The following GRIA2 variants were observed in gnomAD, a reference collection of about 807,000 sequenced individuals.
GRIA2 encodes the protein glutamate ionotropic receptor AMPA type subunit 2.
GRIA2 carries 14 observed loss-of-function variants against 97.3 expected under a neutral mutation model. That is an observed-to-expected ratio of 0.14 (90% CI 0.10 to 0.23). The LOEUF is 0.23. Among genes scored for constraint, GRIA2 ranks in the 10% least tolerant of loss-of-function variants. The pLI, the probability that GRIA2 is intolerant of heterozygous loss-of-function variation, is 1.00. For synonymous variants in GRIA2, 412 were observed against 387.8 expected (o/e 1.06, Z -0.73); for missense variants, 558 against 1,069.8 (o/e 0.52, Z 6.67).
intron 13 of GRIA2, chr4:157,360,602 G>A: frequency 2.3e-6 from 1 of 431,878 alleles, no homozygotes; most frequent in Non-Finnish European, 4.5e-6. Flanking sequence ...TTGTTTAAGG[G>A]ATATACTTTG....
intron 2 of GRIA2, among the ~76,000 whole-genome samples, chr4:157,237,825 A>G (rs1437027196): frequency 6.6e-6 from 1 of 152,052 alleles, no homozygotes; most frequent in East Asian, 1.9e-4. Context: ...TAAATAAAGG[A>G]TGTTATTATG....
chr4:157,310,443 T>A (rs1018912178), intron 3 of GRIA2, among the ~76,000 whole-genome samples: 9 of 152,100 alleles, frequency 5.9e-5, no homozygotes, highest in Non-Finnish European at 1.2e-4. Flanking sequence ...AAATAACAAA[T>A]TAGAATGCTA....
At chr4:157,271,179 A>G (rs1182803471) in intron 2 of GRIA2, among the ~76,000 whole-genome samples, 1 of 151,902 alleles carries the variant, frequency 6.6e-6, no homozygotes, top group African/African-American at 2.4e-5. Context: ...CTATGACCCT[A>G]TATATGTGGG....
At chr4:157,358,536 T>C (rs746867350) in intron 12 of GRIA2, among the ~76,000 whole-genome samples, 5 of 152,160 alleles carry the variant, frequency 3.3e-5, no homozygotes, top group Admixed American at 6.6e-5. Flanking sequence ...AAGTAAGGAA[T>C]GTTGACATAT....
intron 2 of GRIA2, among the ~76,000 whole-genome samples, chr4:157,292,223 G>A (rs1367254525): frequency 6.6e-6 from 1 of 152,004 alleles, no homozygotes; most frequent in Non-Finnish European, 1.5e-5. Flanking sequence ...TAAAACACTT[G>A]CTTTCATCTT....
intron 2 of GRIA2, among the ~76,000 whole-genome samples, chr4:157,226,763 G>C (rs1270649380): frequency 2.0e-5 from 3 of 152,078 alleles, no homozygotes; most frequent in Admixed American, 1.3e-4. Context: ...AACACCTAGA[G>C]TTACTGACTT....
chr4:157,242,909 A>G (rs982968776), intron 2 of GRIA2, among the ~76,000 whole-genome samples: 4 of 152,158 alleles, frequency 2.6e-5, no homozygotes, highest in Non-Finnish European at 5.9e-5. Flanking sequence ...TTCTCAGTAA[A>G]GCACATCACA....
In GRIA2 at chr4:157,308,039, T is replaced by C. The variant is rs190305314; in HGVS notation, c.469+4248T>C. On this transcript the variant is annotated intron_variant, in intron 3 of 15. Coordinates refer to ENST00000264426, the MANE Select transcript of GRIA2 (RefSeq NM_001083619.3). Reference sequence around the variant, plus strand: ...TTAAATGGAGCAAAGAAAATATTTTTAAGCAGTAAGACATGGTTTGAATAA... The same window carrying C: ...TTAAATGGAGCAAAGAAAATATTTTCAAGCAGTAAGACATGGTTTGAATAA... Among the ~76,000 whole-genome samples the C allele has an allele frequency of 6.0e-4, 91 of 152,380 alleles. No individual in the cohort carries two copies. In the East Asian group the frequency reaches 0.011, roughly 18 times the overall value.
rs115626649 is a variant in GRIA2, at chr4:157,332,034, A to G, written c.883-785A>G. On this transcript the variant is annotated intron_variant, in intron 6 of 15. Coordinates refer to ENST00000264426, the MANE Select transcript of GRIA2 (RefSeq NM_001083619.3). Reference sequence around the variant, plus strand: ...CAACGTTCAGTAAAACTTTAATGTCAAAATGTAGTTAATCATTAACTGACA... The same window carrying G: ...CAACGTTCAGTAAAACTTTAATGTCGAAATGTAGTTAATCATTAACTGACA... Among the ~76,000 whole-genome samples, 539 of 152,168 alleles carry G rather than the reference A, an allele frequency of 3.5e-3. 1 individual carries two copies. Among genetic ancestry groups the G allele is most frequent in the Middle Eastern group, 6.8e-3 (2 of 294 alleles).
intron 2 of GRIA2, among the ~76,000 whole-genome samples, chr4:157,230,198 A>G (rs1729938131): frequency 6.6e-6 from 1 of 152,218 alleles, no homozygotes; most frequent in South Asian, 2.1e-4. Flanking sequence ...TTTCAGATTT[A>G]GCATTCATTT....
At chr4:157,306,342 T>C (rs947593412) in intron 3 of GRIA2, among the ~76,000 whole-genome samples, 2 of 152,168 alleles carry the variant, frequency 1.3e-5, no homozygotes, top group African/African-American at 4.8e-5. Flanking sequence ...ATGGATGGAC[T>C]TACGTACTTG....
chr4:157,301,570 C>A (rs1353731732), intron 2 of GRIA2, among the ~76,000 whole-genome samples: 1 of 152,104 alleles, frequency 6.6e-6, no homozygotes, highest in Non-Finnish European at 1.5e-5. Context: ...GGATTCATAC[C>A]GTACAACAGT....
intron 12 of GRIA2, among the ~76,000 whole-genome samples, chr4:157,356,129 A>ATATT (rs1401869972): frequency 1.6e-5 from 2 of 128,070 alleles, no homozygotes; most frequent in South Asian, 2.4e-4. Context: ...ATATATTTAT[A>ATATT]TATATTTATA....
At chr4:157,351,874 C>G (rs1392421418) in intron 12 of GRIA2, among the ~76,000 whole-genome samples, 1 of 152,202 alleles carries the variant, frequency 6.6e-6, no homozygotes, top group African/African-American at 2.4e-5. Context: ...TTAAATGAGT[C>G]CTCTCCAGCC....
chr4:157,314,818 G>A (rs1734239325), intron 4 of GRIA2, among the ~76,000 whole-genome samples: 4 of 152,110 alleles, frequency 2.6e-5, no homozygotes, highest in South Asian at 2.1e-4. Flanking sequence ...TATTAAATGA[G>A]CACATGCAAT....
intron 9 of GRIA2, chr4:157,335,420 G>A: frequency 2.1e-6 from 1 of 481,486 alleles, no homozygotes; most frequent in East Asian, 3.8e-5. Context: ...AGAGTTTGTG[G>A]TTTTGAGTAT....
chr4:157,316,350 G>A (rs1656304873), intron 4 of GRIA2, among the ~76,000 whole-genome samples: 3 of 152,136 alleles, frequency 2.0e-5, no homozygotes, highest in Admixed American at 2.0e-4. Flanking sequence ...AACAATGTAA[G>A]TTTTAACTTC....
chr4:157,298,838 A>G (rs552923604), intron 2 of GRIA2, among the ~76,000 whole-genome samples: 8 of 152,148 alleles, frequency 5.3e-5, no homozygotes, highest in African/African-American at 1.9e-4. Flanking sequence ...GTAAATAAAT[A>G]GTTTTAGGAG....
At chr4:157,227,475 C>A (rs1228026967) in intron 2 of GRIA2, among the ~76,000 whole-genome samples, 1 of 152,102 alleles carries the variant, frequency 6.6e-6, no homozygotes, top group African/African-American at 2.4e-5. Context: ...CCTCCTCTTC[C>A]CTTTTTATAA....
Sources: allele counts gnomAD v4.1 joint callset (sites outside exome capture counted in the v4.1 genomes callset), GRCh38; gene constraint gnomAD v4.1.1; transcripts MANE v1.5; gene names NCBI Gene and HGNC (gene_info 2026-07-23, HGNC 2026-07-21).